The following DUSP16 variants were observed in gnomAD, a reference collection of about 807,000 sequenced individuals.
The protein encoded by DUSP16 is dual specificity protein phosphatase 16.
A neutral mutation model predicts 58.3 loss-of-function variants in DUSP16; 21 were observed. The ratio of observed to expected loss-of-function variants is 0.36; its 90% CI spans 0.26 to 0.52. DUSP16 has a LOEUF of 0.52. Among genes scored for constraint, DUSP16 ranks in the 20% least tolerant of loss-of-function variants. The pLI is 0.94. For synonymous variants in DUSP16, 320 were observed against 323.8 expected (o/e 0.99, Z 0.12); for missense variants, 726 against 819.0 (o/e 0.89, Z 1.39).
At chr12:12,505,951 A>C (rs1943989143) in intron 3 of DUSP16, 1 of 152,212 alleles carries the variant, frequency 6.6e-6, no homozygotes, top group Admixed American at 6.5e-5. Flanking sequence ...GTTTGGCTTG[A>C]AATGTCCCAG....
chr12:12,481,561 CTATAAA>C (rs1316370071), intron 5 of DUSP16, among the ~76,000 whole-genome samples: 4 of 152,132 alleles, frequency 2.6e-5, no homozygotes, highest in African/African-American at 7.2e-5. Flanking sequence ...ACTGCCTATG[CTATAAA>C]TATAAGTTTC....
At chr12:12,556,200 G>A (rs1282138240) in intron 1 of DUSP16, among the ~76,000 whole-genome samples, 2 of 152,102 alleles carry the variant, frequency 1.3e-5, no homozygotes, top group African/African-American at 4.8e-5. Flanking sequence ...ATTCTTGAGG[G>A]ATTTGGTTCT....
intron 3 of DUSP16, among the ~76,000 whole-genome samples, chr12:12,518,777 A>G (rs1017321029): frequency 1.2e-4 from 19 of 152,220 alleles, no homozygotes; most frequent in African/African-American, 4.6e-4. Flanking sequence ...GCTTCACTTA[A>G]GAACACTAAT....
At chr12:12,537,566 T>C (rs968325123) in intron 1 of DUSP16, among the ~76,000 whole-genome samples, 6 of 152,260 alleles carry the variant, frequency 3.9e-5, no homozygotes, top group Non-Finnish European at 7.3e-5. Context: ...TAGAACTGTC[T>C]ATTAAGAAAC....
At chr12:12,489,326 T>TA (rs1420482023) in intron 4 of DUSP16, among the ~76,000 whole-genome samples, 2 of 152,192 alleles carry the variant, frequency 1.3e-5, no homozygotes, top group African/African-American at 2.4e-5. Flanking sequence ...TTTGTACATG[T>TA]AGCAAAGGTT....
intron 1 of DUSP16, among the ~76,000 whole-genome samples, chr12:12,549,339 T>C (rs375930707): frequency 7.9e-5 from 12 of 152,246 alleles, no homozygotes; most frequent in African/African-American, 2.6e-4. Context: ...CAATTATATG[T>C]GCATCTCCAT....
chr12:12,481,175 ATT>A (rs1228644619), intron 5 of DUSP16, among the ~76,000 whole-genome samples: 3 of 152,168 alleles, frequency 2.0e-5, no homozygotes, highest in African/African-American at 7.2e-5. Context: ...ACCAGGAGTT[ATT>A]GTCTTATGGC....
chr12:12,543,551 T>G (rs1944596380), intron 1 of DUSP16, among the ~76,000 whole-genome samples: 1 of 152,166 alleles, frequency 6.6e-6, no homozygotes. Context: ...CCCAAGTATA[T>G]TATGTGAAAT....
chr12:12,512,582 G>C (rs1484350613), intron 3 of DUSP16, among the ~76,000 whole-genome samples: 4 of 152,096 alleles, frequency 2.6e-5, no homozygotes, highest in African/African-American at 9.7e-5. Context: ...TTGTCTTTCT[G>C]TGTCTGGCTT....
At chr12:12,556,579 T>G in intron 1 of DUSP16, among the ~76,000 whole-genome samples, 1 of 142,818 alleles carries the variant, frequency 7.0e-6, no homozygotes, top group East Asian at 2.0e-4. Context: ...CATCTTTAAT[T>G]AAAAAAAAAA....
rs190246448 is a variant in DUSP16, at chr12:12,541,284, G to C, written c.-365-19821C>G. 1.5e-3 allele frequency among the ~76,000 whole-genome samples: 235 copies of C among 152,190 alleles called. 2 individuals carry two copies. Among genetic ancestry groups the C allele is most frequent in the African/African-American group, 5.4e-3 (225 of 41,520 alleles). Reference sequence around the variant, plus strand: ...ACTTGCTGATTCTCACTGTGGCACTGATTTTAGAGGGAAAGGCAGAGGGGA... The same window carrying C: ...ACTTGCTGATTCTCACTGTGGCACTCATTTTAGAGGGAAAGGCAGAGGGGA... On this transcript the variant is annotated intron_variant, in intron 1 of 6. Transcript: ENST00000298573.
At position 12,487,039 on chromosome 12, in the gene DUSP16, A is replaced by C. The variant is rs761713272; in HGVS notation, c.680T>G (p.Val227Gly). Residue 227 changes from valine (V) to glycine (G), a missense_variant, in exon 5 of 7, where the codon GTA (valine) becomes GGA (glycine). Physicochemically the swap from Val to Gly is moderately radical, Grantham distance 109 (BLOSUM62 -3). Coordinates refer to ENST00000298573, the MANE Select transcript of DUSP16 (RefSeq NM_030640.3). Reference sequence around the variant, plus strand: ...TTTGAGCTACTTACCAATGAAATCTACTGATTTGTCCAACCACGGCAAAAT... The same window carrying C: ...TTTGAGCTACTTACCAATGAAATCTCCTGATTTGTCCAACCACGGCAAAAT... ...EKILPWLDKS[V>G]DFIEKAKASN... 1 of 1,614,002 alleles carries C rather than the reference A, an allele frequency of 6.2e-7. No individual in the cohort carries two copies. The highest frequency in any genetic ancestry group is 1.7e-5 in the Admixed American group (1 of 60,024).
At chr12:12,498,399 A>ATTATTTATTTATTTAT (rs145777045) in intron 4 of DUSP16, among the ~76,000 whole-genome samples, 56 of 146,768 alleles carry the variant, frequency 3.8e-4, no homozygotes, top group South Asian at 6.4e-4. Flanking sequence ...TTTATTTTTT[A>ATTATTTATTTATTTAT]TTATTTATTT....
At chr12:12,561,428 C>T (rs1340277271) in intron 1 of DUSP16, among the ~76,000 whole-genome samples, 2 of 152,238 alleles carry the variant, frequency 1.3e-5, no homozygotes, top group Non-Finnish European at 2.9e-5. Flanking sequence ...GAAAATATTT[C>T]CCTCTGTGGT....
chr12:12,551,162 C>T (rs1944720528), intron 1 of DUSP16, among the ~76,000 whole-genome samples: 1 of 151,806 alleles, frequency 6.6e-6, no homozygotes, highest in South Asian at 2.1e-4. Context: ...ATCTGGCAGA[C>T]ATTTTCTCTA....
intron 1 of DUSP16, among the ~76,000 whole-genome samples, chr12:12,553,825 A>G (rs1402355946): frequency 1.3e-5 from 2 of 152,104 alleles, no homozygotes; most frequent in African/African-American, 2.4e-5. Flanking sequence ...ATGAGCCACC[A>G]TGCCTGGCCT....
rs927735390 is a variant in DUSP16 at position 12,474,353 on chromosome 12, A to T, written c.*2480T>A. On this transcript the variant is annotated 3_prime_UTR_variant, in exon 7 of 7. Coordinates refer to ENST00000298573, the MANE Select transcript of DUSP16 (RefSeq NM_030640.3). ...CTTACTTCAAAAGAACACTATATTC[A>T]TATTAAACATTTACAGTCTTTCCAT... 21 of 151,872 alleles carry T rather than the reference A, an allele frequency of 1.4e-4. No homozygotes were observed. Among genetic ancestry groups the T allele is most frequent in the African/African-American group, 4.9e-4 (20 of 41,116 alleles). The allele number at this position is 151,872 out of a possible 1,614,324, so 9.4% of individuals were successfully genotyped here.
chr12:12,492,750 C>T (rs1943778940), intron 4 of DUSP16, among the ~76,000 whole-genome samples: 1 of 152,100 alleles, frequency 6.6e-6, no homozygotes, highest in Non-Finnish European at 1.5e-5. Context: ...CAACACTCTA[C>T]CAAAACTGCT....
At chr12:12,480,843 AGAGTAGCTGG>A (rs1322864131) in intron 5 of DUSP16, among the ~76,000 whole-genome samples, 3 of 152,034 alleles carry the variant, frequency 2.0e-5, no homozygotes, top group Non-Finnish European at 4.4e-5. Flanking sequence ...CTTAGCCTCC[AGAGTAGCTGG>A]GATTACAGGT....
Sources: gnomAD v4.1 joint callset for allele counts (sites outside exome capture counted in the v4.1 genomes callset) on GRCh38, gnomAD v4.1.1 for gene constraint, MANE v1.5 for transcripts, NCBI Gene and HGNC (gene_info 2026-07-23, HGNC 2026-07-21) for gene names.